Variants in DGKI observed in about 807,000 individuals in gnomAD.
DGKI encodes the protein diacylglycerol kinase iota.
A neutral mutation model predicts 147.5 loss-of-function variants in DGKI; 55 were observed. The ratio of observed to expected loss-of-function variants is 0.37; its 90% confidence interval spans 0.30 to 0.47. The LOEUF is 0.47. Ranked by LOEUF, DGKI falls within the 20% of genes least tolerant of loss-of-function variation. DGKI has a pLI of 1.00. For missense variants in DGKI, 1,007 were observed against 1,323.8 expected (o/e 0.76, Z 3.71); for synonymous variants, 469 against 477.1 (o/e 0.98, Z 0.22).
chr7:137,653,837 A>G (rs918960103), intron 5 of DGKI, among the ~76,000 whole-genome samples: 1 of 152,228 alleles, frequency 6.6e-6, no homozygotes, highest in African/African-American at 2.4e-5. Context: ...AGGATACCGT[A>G]TAAGATGCTA....
intron 28 of DGKI, among the ~76,000 whole-genome samples, chr7:137,433,944 A>C (rs1618183): frequency 0.49 from 73,757 of 151,746 alleles, 19,459 homozygotes; most frequent in East Asian, 0.75. Flanking sequence ...ATGGTGAAAC[A>C]TCATCTCTAG....
chr7:137,521,770 G>A lies in DGKI; in HGVS notation c.2248+96C>T. ...TCACTTCTCTAACCATGATTTTCAG[G>A]CACAAGGATAAATGAATCTACCCAT... On this transcript the variant is annotated intron_variant, in intron 21 of 32. Coordinates refer to ENST00000614521, the MANE Select transcript of DGKI (RefSeq NM_001321708.2). The A allele has an allele frequency of 3.5e-6, 3 of 856,250 alleles. No homozygotes were observed. The Middle Eastern group carries it at 6.6e-4, about 187-fold the overall frequency. The allele number at this position is 856,250 out of a possible 1,614,324, so 53.0% of individuals were successfully genotyped here. A position where few individuals can be genotyped will look rare whatever the true frequency, so the allele number is the denominator to read the frequency against.
rs186830412 is a variant in DGKI, at chr7:137,647,933, G to T, written c.739-2396C>A. Among the ~76,000 whole-genome samples, 347 of 152,216 alleles carry T rather than the reference G, an allele frequency of 2.3e-3. 2 individuals are homozygous for T. The highest frequency in any genetic ancestry group is 4.0e-3 in the Non-Finnish European group (272 of 68,016). On this transcript the variant is annotated intron_variant, in intron 5 of 32. Coordinates refer to ENST00000614521, the MANE Select transcript of DGKI (RefSeq NM_001321708.2). ...GATAAGGAAACTAATGCATAGAAGT[G>T]GTTACTCAAAATGTAAAGGTCAAAG...
chr7:137,688,611 A>G (rs1407353460), intron 2 of DGKI, among the ~76,000 whole-genome samples: 1 of 152,222 alleles, frequency 6.6e-6, no homozygotes, highest in Non-Finnish European at 1.5e-5. Flanking sequence ...TGTTTGGAAC[A>G]TCGTGAATAT....
chr7:137,644,401 C>G (rs982987765), intron 6 of DGKI, among the ~76,000 whole-genome samples: 3 of 152,206 alleles, frequency 2.0e-5, no homozygotes, highest in African/African-American at 7.2e-5. Context: ...AGAAGACCTT[C>G]ATAACCAATG....
intron 3 of DGKI, among the ~76,000 whole-genome samples, chr7:137,657,662 G>A (rs1822275830): frequency 6.6e-6 from 1 of 152,196 alleles, no homozygotes; most frequent in Non-Finnish European, 1.5e-5. Context: ...ATCCAAGTGT[G>A]AAAGGTCCTG....
At chr7:137,643,463 A>T (rs942953825) in intron 6 of DGKI, among the ~76,000 whole-genome samples, 2 of 152,278 alleles carry the variant, frequency 1.3e-5, no homozygotes, top group Middle Eastern at 6.8e-3. Flanking sequence ...AATCCAAGGA[A>T]GGGTAATTTA....
intron 24 of DGKI, among the ~76,000 whole-genome samples, chr7:137,469,212 T>C (rs1814784032): frequency 6.6e-6 from 1 of 152,168 alleles, no homozygotes; most frequent in Non-Finnish European, 1.5e-5. Flanking sequence ...ATTATATCCA[T>C]CCTATGCATA....
chr7:137,772,140 A>G (rs1419037680), intron 1 of DGKI: 2 of 152,210 alleles, frequency 1.3e-5, no homozygotes, highest in Non-Finnish European at 1.5e-5. Flanking sequence ...TTAAGGTAAC[A>G]AGAAAATCTC....
chr7:137,517,287 G>GAAAGAAAAGAA (rs1816791928), intron 21 of DGKI, among the ~76,000 whole-genome samples: 1 of 78,146 alleles, frequency 1.3e-5, no homozygotes, highest in African/African-American at 5.3e-5. Flanking sequence ...GAAAAAGAAA[G>GAAAGAAAAGAA]AAAGAAAGAA....
intron 8 of DGKI, among the ~76,000 whole-genome samples, chr7:137,619,279 A>G (rs186267798): frequency 6.6e-6 from 1 of 152,366 alleles, no homozygotes; most frequent in Admixed American, 6.5e-5. Flanking sequence ...GGGAGAACAC[A>G]GAATGAGATT....
At chr7:137,458,943 C>T (rs1425853511) in intron 27 of DGKI, among the ~76,000 whole-genome samples, 2 of 152,104 alleles carry the variant, frequency 1.3e-5, no homozygotes, top group African/African-American at 4.8e-5. Context: ...TGTCAGTCAA[C>T]CACTTCTCAC....
At chr7:137,748,811 A>G (rs571509735) in intron 1 of DGKI, among the ~76,000 whole-genome samples, 1 of 152,354 alleles carries the variant, frequency 6.6e-6, no homozygotes, top group South Asian at 2.1e-4. Flanking sequence ...GTCAGAATTG[A>G]GAACTTAAGT....
intron 10 of DGKI, among the ~76,000 whole-genome samples, chr7:137,605,028 A>G (rs1820126620): frequency 6.6e-6 from 1 of 152,070 alleles, no homozygotes; most frequent in Non-Finnish European, 1.5e-5. Flanking sequence ...CAAAGTTGAA[A>G]TTTTTGGCTG....
At chr7:137,630,476 A>C (rs1821089962) in intron 6 of DGKI, among the ~76,000 whole-genome samples, 1 of 152,186 alleles carries the variant, frequency 6.6e-6, no homozygotes. Context: ...TTTAAGGCAC[A>C]AGATTCTCAG....
intron 2 of DGKI, among the ~76,000 whole-genome samples, chr7:137,684,420 T>C (rs754618675): frequency 1.1e-4 from 17 of 152,266 alleles, no homozygotes; most frequent in Admixed American, 5.9e-4. Context: ...TTCTTCTCAC[T>C]TTTTAAAGTG....
At chr7:137,511,853 T>G (rs1816590963) in intron 21 of DGKI, among the ~76,000 whole-genome samples, 1 of 152,204 alleles carries the variant, frequency 6.6e-6, no homozygotes, top group African/African-American at 2.4e-5. Context: ...TCACTCAAGG[T>G]TTATCCCCTT....
Position 137,460,677 on chromosome 7 carries a change from G to A in DGKI, c.2735+2812C>T, listed in dbSNP as rs188463767. On this transcript the variant is annotated intron_variant, in intron 27 of 32. Coordinates refer to ENST00000614521, the MANE Select transcript of DGKI (RefSeq NM_001321708.2). ...AGCACTTCCTTTGAGCATCAGGTCA[G>A]CACTTTAAAAGTTTTGGATTTTGGA... 5.7e-3 allele frequency among the ~76,000 whole-genome samples: 868 copies of A among 152,262 alleles called. 14 individuals carry two copies. Among genetic ancestry groups the A allele is most frequent in the Admixed American group, 7.6e-3 (117 of 15,302 alleles).
At chr7:137,704,040 G>A (rs535566105) in intron 1 of DGKI, among the ~76,000 whole-genome samples, 8 of 152,072 alleles carry the variant, frequency 5.3e-5, no homozygotes, top group South Asian at 2.1e-4. Context: ...TTGAAACCCC[G>A]TCTCTACTAA....
Sources: allele counts gnomAD v4.1 joint callset (sites outside exome capture counted in the v4.1 genomes callset), GRCh38; gene constraint gnomAD v4.1.1; transcripts MANE v1.5; gene names NCBI Gene and HGNC (gene_info 2026-07-23, HGNC 2026-07-21).